Variants in SKAP2 observed in about 807,000 individuals in gnomAD.
SKAP2 encodes the protein src kinase-associated phosphoprotein 2.
SKAP2 carries 28 observed loss-of-function variants against 54.9 expected under a neutral mutation model. The observed-to-expected ratio is 0.51, with a 90% CI of 0.38 to 0.70. SKAP2 has a LOEUF of 0.70. Ranked by LOEUF, SKAP2 falls within the 30% of genes least tolerant of loss-of-function variation. The probability of loss-of-function intolerance (pLI) is 0.00; values close to 1 mark genes in which losing one functional copy is unlikely to be tolerated. For synonymous variants in SKAP2, 137 were observed against 134.3 expected, an observed-to-expected ratio of 1.02 and a Z score of -0.14; for missense variants, 356 against 424.1, an observed-to-expected ratio of 0.84 and a Z score of 1.41.
In SKAP2 at chr7:26,777,191, C is replaced by G. The variant is rs201349742; in HGVS notation, c.308-37227G>C. 5.9e-5 allele frequency among the ~76,000 whole-genome samples: 9 copies of G among 152,174 alleles called. No homozygotes were observed. In the East Asian group the frequency reaches 1.2e-3, roughly 20 times the overall value. On this transcript the variant is annotated intron_variant, in intron 4 of 12. Transcript: ENST00000345317. ...TGAAATACATTTGCCTGTACAGCAG[C>G]CATCTGGTTTCTTCAACTCCAGAGG... is the stretch of plus-strand genomic sequence containing the variant.
At chr7:26,788,363 T>TA (rs1783601993) in intron 4 of SKAP2, among the ~76,000 whole-genome samples, 1 of 149,398 alleles carries the variant, frequency 6.7e-6, no homozygotes, top group Non-Finnish European at 1.5e-5. Flanking sequence ...TCGCAGTGGT[T>TA]AAGAAAAAAA....
intron 4 of SKAP2, among the ~76,000 whole-genome samples, chr7:26,801,141 T>C (rs1007432060): frequency 1.3e-5 from 2 of 152,120 alleles, no homozygotes; most frequent in African/African-American, 4.8e-5. Context: ...AACAATGCAT[T>C]AGACAGATCA....
chr7:26,800,137 A>C (rs1173161596), intron 4 of SKAP2, among the ~76,000 whole-genome samples: 1 of 152,096 alleles, frequency 6.6e-6, no homozygotes, highest in African/African-American at 2.4e-5. Context: ...AAAATAAATA[A>C]AATAAAATAA....
chr7:26,781,070 C>T (rs946185027), intron 4 of SKAP2, among the ~76,000 whole-genome samples: 1 of 152,076 alleles, frequency 6.6e-6, no homozygotes, highest in East Asian at 1.9e-4. Flanking sequence ...AGAGCTGTTG[C>T]CTTTTTGTCA....
intron 4 of SKAP2, among the ~76,000 whole-genome samples, chr7:26,740,294 G>T (rs538629379): frequency 6.6e-6 from 1 of 151,866 alleles, no homozygotes; most frequent in Non-Finnish European, 1.5e-5. Flanking sequence ...TCATAGCTTC[G>T]TTATATTTAT....
rs141030228 is a variant in SKAP2, at chr7:26,725,989, A to G, written c.595-3T>C. The G allele has an allele frequency of 2.3e-4, 363 of 1,602,056 alleles. No individual in the cohort carries two copies. The African/African-American group carries it at 4.1e-3, about 18-fold the overall frequency. Reference sequence around the variant, plus strand: ...TCTTTGGGAGAAGCTGCTGTAAACTAATATAAAACAAACAGTAAGAACGAA... The same window carrying G: ...TCTTTGGGAGAAGCTGCTGTAAACTGATATAAAACAAACAGTAAGAACGAA... On this transcript the variant is annotated splice_polypyrimidine_tract_variant and splice_region_variant and intron_variant, in intron 7 of 12. Coordinates refer to ENST00000345317, the MANE Select transcript of SKAP2 (RefSeq NM_003930.5).
At chr7:26,835,956 C>A (rs911506546) in intron 4 of SKAP2, among the ~76,000 whole-genome samples, 1 of 152,140 alleles carries the variant, frequency 6.6e-6, no homozygotes, top group African/African-American at 2.4e-5. Flanking sequence ...TACAAGGTTA[C>A]AGTAATCAAA....
chr7:26,815,844 TCA>T (rs1196184169), intron 4 of SKAP2, among the ~76,000 whole-genome samples: 1 of 152,112 alleles, frequency 6.6e-6, no homozygotes, highest in Non-Finnish European at 1.5e-5. Context: ...GAATATAATC[TCA>T]GTTTTTCATC....
chr7:26,762,337 C>G (rs778128999), intron 4 of SKAP2, among the ~76,000 whole-genome samples: 35 of 152,120 alleles, frequency 2.3e-4, no homozygotes, highest in Non-Finnish European at 4.0e-4. Context: ...TATATACTTA[C>G]TCATATGGAA....
At chr7:26,820,934 T>C (rs1784373156) in intron 4 of SKAP2, among the ~76,000 whole-genome samples, 1 of 152,132 alleles carries the variant, frequency 6.6e-6, no homozygotes, top group Admixed American at 6.5e-5. Flanking sequence ...TACTACAATC[T>C]TTTGAAATAC....
chr7:26,794,652 G>A (rs1271141327), intron 4 of SKAP2, among the ~76,000 whole-genome samples: 2 of 152,202 alleles, frequency 1.3e-5, no homozygotes, highest in African/African-American at 2.4e-5. Flanking sequence ...CTGTAGGAAG[G>A]TGGATATCTT....
intron 4 of SKAP2, among the ~76,000 whole-genome samples, chr7:26,752,701 G>A (rs1005927661): frequency 6.6e-6 from 1 of 152,160 alleles, no homozygotes; most frequent in African/African-American, 2.4e-5. Flanking sequence ...CAAGCAGCCA[G>A]GCTGGGGGTA....
intron 4 of SKAP2, among the ~76,000 whole-genome samples, chr7:26,837,491 C>A (rs1027296925): frequency 1.3e-5 from 2 of 151,966 alleles, no homozygotes; most frequent in Middle Eastern, 3.2e-3. Flanking sequence ...GGTAAAAGAA[C>A]AAGAGACAGA....
At chr7:26,740,371 A>C (rs1782413582) in intron 4 of SKAP2, among the ~76,000 whole-genome samples, 1 of 152,176 alleles carries the variant, frequency 6.6e-6, no homozygotes, top group African/African-American at 2.4e-5. Flanking sequence ...TATTCCTACC[A>C]AGTAAAACAT....
intron 9 of SKAP2, among the ~76,000 whole-genome samples, chr7:26,703,612 C>T (rs1007013591): frequency 1.3e-5 from 2 of 152,114 alleles, no homozygotes; most frequent in Non-Finnish European, 2.9e-5. Flanking sequence ...CTCTGAACCT[C>T]AGTTTTTTCA....
chr7:26,688,419 A>C (rs997935600), intron 10 of SKAP2, among the ~76,000 whole-genome samples: 7 of 152,180 alleles, frequency 4.6e-5, no homozygotes, highest in Admixed American at 2.6e-4. Context: ...GTTTAGTAAA[A>C]TCAGTCAATG....
intron 4 of SKAP2, among the ~76,000 whole-genome samples, chr7:26,814,043 G>T (rs190917784): frequency 1.3e-5 from 2 of 152,178 alleles, no homozygotes; most frequent in East Asian, 1.9e-4. Context: ...TTCATATGAA[G>T]CTACAGCTAA....
At chr7:26,694,672 AC>A (rs1375738595) in intron 9 of SKAP2, among the ~76,000 whole-genome samples, 36 of 151,916 alleles carry the variant, frequency 2.4e-4, no homozygotes, top group Admixed American at 5.2e-4. Flanking sequence ...AAAAAAAAAA[AC>A]AACTGCACCC....
chr7:26,680,152 A>C (rs1786459684), intron 11 of SKAP2, among the ~76,000 whole-genome samples: 1 of 152,184 alleles, frequency 6.6e-6, no homozygotes, highest in Non-Finnish European at 1.5e-5. Context: ...TTATTGCTTT[A>C]AAAGTAAGTA....
Sources: allele counts gnomAD v4.1 joint callset (sites outside exome capture counted in the v4.1 genomes callset), GRCh38; gene constraint gnomAD v4.1.1; transcripts MANE v1.5; gene names NCBI Gene and HGNC (gene_info 2026-07-23, HGNC 2026-07-21).